The following ANKRD54 variants were observed in gnomAD, a reference collection of about 807,000 sequenced individuals.
ANKRD54 encodes the protein ankyrin repeat domain 54.
In ANKRD54, 26 loss-of-function variants were observed where a neutral mutation model predicts 36.2. The observed-to-expected ratio is 0.72, with a 90% confidence interval of 0.53 to 1.00. ANKRD54 has a LOEUF of 1.00. Among genes scored for constraint, ANKRD54 ranks in the 50% least tolerant of loss-of-function variants. The pLI, the probability that ANKRD54 is intolerant of heterozygous loss-of-function variation, is 0.00. For missense variants in ANKRD54, 384 were observed against 424.3 expected, an observed-to-expected ratio of 0.91 and a Z score of 0.83; for synonymous variants, 209 against 188.4, an observed-to-expected ratio of 1.11 and a Z score of -0.89.
In ANKRD54 at chr22:37,831,949, C is replaced by A. The variant is rs1332367334; in HGVS notation, c.897G>T (p.Lys299Asn). ...SLSLQMQSMEKR is the reference protein window; with the variant it reads ...SLSLQMQSMENR ...AGGCAGGGAGCCTCTCTTGCTACCTCTTCTCCATGCTCTGCATCTGCAGAC... is the reference window on the plus strand; with the variant it reads ...AGGCAGGGAGCCTCTCTTGCTACCTATTCTCCATGCTCTGCATCTGCAGAC... Residue 299 changes from lysine (K) to asparagine (N), a missense_variant, in exon 8 of 8, where the codon AAG (lysine) becomes AAT (asparagine). Lys to Asn is a moderately conservative substitution (Grantham distance 94). Around this residue, in one of 3 missense-constraint regions of ANKRD54, gnomAD observed 179 missense variants for 224.0 expected, o/e 0.80. Transcript: ENST00000215941. The A allele has an allele frequency of 1.2e-6, 2 of 1,613,578 alleles. No homozygotes were observed. The highest frequency in any genetic ancestry group is 4.5e-5 in the East Asian group (2 of 44,866).
chr22:37,847,063 C>T (rs1182885290), upstream of ANKRD54, among the ~76,000 whole-genome samples: 1 of 151,154 alleles, frequency 6.6e-6, no homozygotes, highest in Non-Finnish European at 1.5e-5. Context: ...CCATTTTAGC[C>T]GGGATGGTCT....
At position 37,844,273 on chromosome 22, in the gene ANKRD54, C is replaced by T. The variant is rs369972422; in HGVS notation, c.-35G>A. On this transcript the variant is annotated 5_prime_UTR_variant, in exon 1 of 8. Transcript: ENST00000215941. The stretch of plus-strand genomic sequence containing the variant: ...TCCGCGCGGGCCTGGCCGCCTGAGC[C>T]TCGTTCCCGACCGACCAACGGACCT... 338 of 1,542,586 alleles carry T rather than the reference C, an allele frequency of 2.2e-4. 5 individuals are homozygous for T. In the East Asian group the frequency reaches 8.1e-3, roughly 37 times the overall value.
At chr22:37,847,711 C>T (rs1472675095), upstream of ANKRD54, 2 of 458,814 alleles carry the variant, frequency 4.4e-6, no homozygotes, top group East Asian at 6.7e-5. Context: ...CTCCCTGAAC[C>T]AAGGAAGAGA....
chr22:37,841,551 C>A (rs1303625134), intron 1 of ANKRD54, among the ~76,000 whole-genome samples: 28 of 143,226 alleles, frequency 2.0e-4, no homozygotes, highest in African/African-American at 2.4e-4. Context: ...CACACACACA[C>A]ACACACAAAA....
Position 37,832,991 on chromosome 22 carries a change from C to T in ANKRD54, c.687G>A (p.Gln229=). 2 of 1,614,092 alleles carry T rather than the reference C, an allele frequency of 1.2e-6. No homozygotes were observed. The change falls in exon 6 of 8, where the codon CAG becomes CAA. Residue 229 remains glutamine (Q), a synonymous_variant. Coordinates refer to ENST00000215941, the MANE Select transcript of ANKRD54 (RefSeq NM_138797.4). ...KLNILQEGHA[Q]CLEAVRLEVK... Reference sequence around the variant, plus strand: ...CCTCCAGACGCACAGCCTCTAGGCACTGGGCATGGCCCTCCTGCAGGATAT... The same window carrying T: ...CCTCCAGACGCACAGCCTCTAGGCATTGGGCATGGCCCTCCTGCAGGATAT...
chr22:37,844,628 C>G (rs919090518), upstream of ANKRD54, among the ~76,000 whole-genome samples: 1 of 152,188 alleles, frequency 6.6e-6, no homozygotes, highest in Non-Finnish European at 1.5e-5. Context: ...GCTCTGCCGC[C>G]AGGCTCGCGA....
intron 3 of ANKRD54, among the ~76,000 whole-genome samples, chr22:37,838,134 C>CA (rs879514156): frequency 1.5e-3 from 206 of 135,770 alleles, no homozygotes; most frequent in African/African-American, 4.2e-3. Context: ...GACTCCATCT[C>CA]AAAAAAAAAA....
At chr22:37,836,498 C>A (rs1601724080) in intron 3 of ANKRD54, among the ~76,000 whole-genome samples, 5 of 107,952 alleles carry the variant, frequency 4.6e-5, no homozygotes, top group East Asian at 2.8e-4. Context: ...ACATATAGTT[C>A]ATAAAAGAGG....
At chr22:37,834,667 C>T (rs1214548755) in intron 3 of ANKRD54, 1 of 132,846 alleles carries the variant, frequency 7.5e-6, no homozygotes, top group Non-Finnish European at 1.5e-5. Context: ...CAGTGCACTC[C>T]AGCCTAGGCA....
At chr22:37,840,701 C>T (rs1363525092) in intron 1 of ANKRD54, among the ~76,000 whole-genome samples, 1 of 151,728 alleles carries the variant, frequency 6.6e-6, no homozygotes, top group Non-Finnish European at 1.5e-5. Flanking sequence ...GCCTGGACAA[C>T]ATGGTGAAAC....
At chr22:37,843,712 C>G (rs560774471) in intron 1 of ANKRD54, 199 bp downstream of exon 1, 3 of 315,778 alleles carry the variant, frequency 9.5e-6, no homozygotes, top group Admixed American at 5.1e-5. Flanking sequence ...TGGCTCAGAG[C>G]AGGAAGACTT....
At chr22:37,833,795 C>T (rs776937212) in intron 3 of ANKRD54, 40 bp from the exon 4 acceptor site, 2 of 1,598,436 alleles carry the variant, frequency 1.3e-6, no homozygotes, top group South Asian at 1.1e-5. Context: ...TCGGAGGCTT[C>T]CATTGCCTGC....
intron 1 of ANKRD54, among the ~76,000 whole-genome samples, chr22:37,842,284 G>T (rs534748809): frequency 2.0e-5 from 3 of 152,148 alleles, no homozygotes; most frequent in African/African-American, 7.2e-5. Context: ...AGTGCCCTGG[G>T]AACAAGGAGA....
chr22:37,841,433 G>C, intron 1 of ANKRD54, among the ~76,000 whole-genome samples: 1 of 151,860 alleles, frequency 6.6e-6, no homozygotes, highest in East Asian at 1.9e-4. Flanking sequence ...GGCTCAGGCA[G>C]GAGAATCGCT....
upstream of ANKRD54, among the ~76,000 whole-genome samples, chr22:37,847,231 T>G (rs543461077): frequency 3.3e-5 from 5 of 149,844 alleles, no homozygotes; most frequent in East Asian, 1.0e-3. Flanking sequence ...GGTGCAATCT[T>G]GGCTCACCAC....
At chr22:37,843,064 G>A (rs887941597) in intron 1 of ANKRD54, among the ~76,000 whole-genome samples, 1 of 152,238 alleles carries the variant, frequency 6.6e-6, no homozygotes, top group Non-Finnish European at 1.5e-5. Context: ...TTGGGGCACA[G>A]CAAAGGCAGC....
intron 4 of ANKRD54, 67 bp downstream of exon 4, chr22:37,833,617 C>A: frequency 6.4e-7 from 1 of 1,566,460 alleles, no homozygotes; most frequent in Admixed American, 1.7e-5. Flanking sequence ...CCGGGCCCCA[C>A]CCTCTTCATC....
At position 37,840,651 on chromosome 22, in the gene ANKRD54, C is replaced by T. The variant is rs192587014; in HGVS notation, c.329-417G>A. Among the ~76,000 whole-genome samples, 784 of 151,572 alleles carry T rather than the reference C, an allele frequency of 5.2e-3. 7 individuals are homozygous for T. Among genetic ancestry groups the T allele is most frequent in the Non-Finnish European group, 5.7e-3 (385 of 67,922 alleles). On this transcript the variant is annotated intron_variant, in intron 1 of 7. Transcript: ENST00000215941. Reference sequence around the variant, plus strand: ...CTGTAATCCCAGCACTTTGGGAGGCCGAGGCAGGTGGATCACTTGAGGCCA... The same window carrying T: ...CTGTAATCCCAGCACTTTGGGAGGCTGAGGCAGGTGGATCACTTGAGGCCA...
chr22:37,844,645 C>T (rs865779434), upstream of ANKRD54, among the ~76,000 whole-genome samples: 3 of 152,264 alleles, frequency 2.0e-5, no homozygotes, highest in Middle Eastern at 3.4e-3. Flanking sequence ...GCGATCTCGG[C>T]TCACTGCAAC....
Sources: gnomAD v4.1 joint callset for allele counts (sites outside exome capture counted in the v4.1 genomes callset) on GRCh38, gnomAD v4.1.1 for gene constraint, gnomAD v4.1.1 regional missense constraint, MANE v1.5 for transcripts, NCBI Gene and HGNC (gene_info 2026-07-23, HGNC 2026-07-21) for gene names.